Variants in VASH2 observed in about 807,000 individuals in gnomAD.
VASH2 encodes tubulinyl-Tyr carboxypeptidase 2.
VASH2 carries 28 observed loss-of-function variants against 37.2 expected under a neutral mutation model. The ratio of observed to expected loss-of-function variants is 0.75; its 90% CI spans 0.56 to 1.03. The LOEUF is 1.03. Ranked by LOEUF, VASH2 falls within the 50% of genes least tolerant of loss-of-function variation. VASH2 has a pLI of 0.00. For missense variants in VASH2, 419 were observed against 459.1 expected (o/e 0.91, Z 0.80); for synonymous variants, 188 against 174.7 (o/e 1.08, Z -0.60).
At chr1:212,982,208 T>A (rs1667359037) in intron 7 of VASH2, among the ~76,000 whole-genome samples, 1 of 152,176 alleles carries the variant, frequency 6.6e-6, no homozygotes, top group Non-Finnish European at 1.5e-5. Flanking sequence ...CTGAGTCCAT[T>A]TACGTCACAA....
In VASH2 at chr1:212,991,000, TAAAACTATG is replaced by T. The variant is rs2075854210; in HGVS notation, c.*2419_*2427del. 6.6e-6 allele frequency: 1 copy of T among 152,130 alleles called. No individual in the cohort carries two copies. The highest frequency in any genetic ancestry group is 1.5e-5 in the Non-Finnish European group (1 of 68,002). The allele number at this position is 152,130 out of a possible 1,614,324, so 9.4% of individuals were successfully genotyped here. A position where few individuals can be genotyped will look rare whatever the true frequency, so the allele number is the denominator to read the frequency against. On this transcript the variant is annotated 3_prime_UTR_variant, in exon 8 of 8. Transcript: ENST00000517399. ...TGGCTAGAATTCAAAATATAAAAAA[TAAAACTATG>T]AAGTGATTTGAAATCGGTTTTAAAA...
rs2075849934 is a variant in VASH2 at position 212,990,711 on chromosome 1, T to C, written c.*2127T>C. 6.6e-6 allele frequency: 1 copy of C among 152,196 alleles called. No homozygotes were observed. The highest frequency in any genetic ancestry group is 1.5e-5 in the Non-Finnish European group (1 of 68,034). The allele number at this position is 152,196 out of a possible 1,614,324, so 9.4% of individuals were successfully genotyped here. ...CCAACTGGCTTGATGGTTCAATTAGTAAGCTAATTTCTCCCACACCCGCTC... is the reference window on the plus strand; with the variant it reads ...CCAACTGGCTTGATGGTTCAATTAGCAAGCTAATTTCTCCCACACCCGCTC... On this transcript the variant is annotated 3_prime_UTR_variant, in exon 8 of 8. Transcript: ENST00000517399.
rs141879528 is a variant in VASH2, at chr1:212,977,855, C to T, written c.995+3785C>T. The stretch of plus-strand genomic sequence containing the variant: ...TCTAATGATGCTGATCCTGCTGGTC[C>T]GGGGACCACACTTTGACATCTACCG... On this transcript the variant is annotated intron_variant, in intron 7 of 7. Coordinates refer to ENST00000517399, the MANE Select transcript of VASH2 (RefSeq NM_001301056.2). Among the ~76,000 whole-genome samples, 567 of 152,258 alleles carry T rather than the reference C, an allele frequency of 3.7e-3. 6 individuals carry two copies. Among genetic ancestry groups the T allele is most frequent in the African/African-American group, 0.013 (541 of 41,544 alleles).
chr1:212,976,446 G>A (rs1264086283), intron 7 of VASH2, among the ~76,000 whole-genome samples: 1 of 152,132 alleles, frequency 6.6e-6, no homozygotes, highest in Non-Finnish European at 1.5e-5. Context: ...AGCCAGGCAT[G>A]GTGATGCATG....
chr1:212,952,672 G>C (rs556147146), intron 2 of VASH2: 1 of 152,318 alleles, frequency 6.6e-6, no homozygotes, highest in South Asian at 2.1e-4. Context: ...ATGCAAACTG[G>C]GGAGAAATGC....
At chr1:212,968,568 T>G in intron 5 of VASH2, 2 of 985,498 alleles carry the variant, frequency 2.0e-6, no homozygotes, top group Non-Finnish European at 2.4e-6. Flanking sequence ...AAATGGAAAC[T>G]TGAACCTTAC....
chr1:212,973,539 A>G, intron 6 of VASH2: 5 of 1,288,640 alleles, frequency 3.9e-6, no homozygotes, highest in South Asian at 2.5e-5. Flanking sequence ...TTCCTGATCA[A>G]TTAAAACCAT....
chr1:212,967,278 G>A (rs553157486), intron 5 of VASH2: 1 of 1,278,634 alleles, frequency 7.8e-7, no homozygotes, highest in East Asian at 5.6e-5. Context: ...TCTCATCCCT[G>A]CACAATTTTA....
chr1:212,951,799 ACGC>A lies in VASH2; in HGVS notation c.262_264del (p.Ala88del), dbSNP rs1666318604. ...GGAGAAATGGTGGGCGCCATCAGGA[ACGC>A]CGCCTTCTTGGCAAAGGTCAGTGGC... is the stretch of plus-strand genomic sequence containing the variant. On this transcript the variant is annotated inframe_deletion, in exon 2 of 8. Coordinates refer to ENST00000517399, the MANE Select transcript of VASH2 (RefSeq NM_001301056.2). This position sits in a 1 kb window ranked among gnomAD's most constrained non-coding sequence, Gnocchi z 4.4. 6.2e-7 allele frequency: 1 copy of A among 1,606,078 alleles called. No individual in the cohort carries two copies. The highest frequency in any genetic ancestry group is 1.7e-5 in the Admixed American group (1 of 59,064).
intron 7 of VASH2, among the ~76,000 whole-genome samples, chr1:212,981,619 C>T (rs924600744): frequency 1.3e-5 from 2 of 152,188 alleles, no homozygotes; most frequent in South Asian, 4.1e-4. Context: ...TTTACAGTGG[C>T]ACTTTTCCCA....
chr1:212,984,976 C>G (rs1338716628), intron 7 of VASH2, among the ~76,000 whole-genome samples: 3 of 152,144 alleles, frequency 2.0e-5, no homozygotes, highest in African/African-American at 7.2e-5. Context: ...GTTAGTGGAT[C>G]AGGTTTGGCT....
chr1:212,954,369 G>GACCTGT (rs755511765), intron 2 of VASH2, among the ~76,000 whole-genome samples: 2 of 152,126 alleles, frequency 1.3e-5, no homozygotes, highest in Non-Finnish European at 2.9e-5. Flanking sequence ...TACTTCCTGA[G>GACCTGT]ACCTGTACCT....
intron 7 of VASH2, among the ~76,000 whole-genome samples, chr1:212,985,249 C>T (rs1201372856): frequency 7.0e-6 from 1 of 143,372 alleles, no homozygotes; most frequent in Admixed American, 7.2e-5. Context: ...CCGTGGTGCC[C>T]AGGCTGGTCT....
chr1:212,959,886 T>G (rs1432572832), intron 2 of VASH2, among the ~76,000 whole-genome samples: 1 of 152,216 alleles, frequency 6.6e-6, no homozygotes, highest in Non-Finnish European at 1.5e-5. Context: ...CCTCAGGCCC[T>G]TTCTGCTTCT....
intron 6 of VASH2, 23 bp downstream of exon 6, chr1:212,972,984 A>G (rs758784170): frequency 1.2e-6 from 2 of 1,602,092 alleles, no homozygotes; most frequent in Non-Finnish European, 8.5e-7. Flanking sequence ...AAGACAAGGA[A>G]GCCATGCAGG....
chr1:212,952,647 A>G (rs1012128535), intron 2 of VASH2: 1 of 152,234 alleles, frequency 6.6e-6, no homozygotes, highest in Non-Finnish European at 1.5e-5. Flanking sequence ...TAGATACGTT[A>G]TATGAAACAT....
At chr1:212,963,912 T>A (rs1666758069) in intron 3 of VASH2, among the ~76,000 whole-genome samples, 1 of 152,130 alleles carries the variant, frequency 6.6e-6, no homozygotes, top group Non-Finnish European at 1.5e-5. Flanking sequence ...GTTGCTTGTA[T>A]AAAATTTTTG....
intron 2 of VASH2, among the ~76,000 whole-genome samples, chr1:212,957,343 G>A (rs1191410308): frequency 6.6e-6 from 1 of 152,110 alleles, no homozygotes. Context: ...TTTTCACTGA[G>A]GCCTAAAGAT....
Position 212,976,006 on chromosome 1 carries a change from G to A in VASH2, c.995+1936G>A, listed in dbSNP as rs115731424. Among the ~76,000 whole-genome samples, 1,096 of 152,308 alleles carry A rather than the reference G, an allele frequency of 7.2e-3. 17 individuals are homozygous for A. Among genetic ancestry groups the A allele is most frequent in the African/African-American group, 0.024 (1,007 of 41,564 alleles). On this transcript the variant is annotated intron_variant, in intron 7 of 7. Coordinates refer to ENST00000517399, the MANE Select transcript of VASH2 (RefSeq NM_001301056.2). ...CATGTTGAGTTTTTAACCAGGAAAC[G>A]TGACCATAAATGTGAGGGGATGGTA...
Sources: gnomAD v4.1 joint callset for allele counts (sites outside exome capture counted in the v4.1 genomes callset) on GRCh38, gnomAD v4.1.1 for gene constraint, Gnocchi (gnomAD v3.1) non-coding constraint, MANE v1.5 for transcripts, NCBI Gene and HGNC (gene_info 2026-07-23, HGNC 2026-07-21) for gene names.